PIAS1: variants seen among roughly 807,000 people sequenced by gnomAD.
PIAS1 encodes the protein protein inhibitor of activated STAT 1, also known as E3 SUMO-protein ligase PIAS1.
A neutral mutation model predicts 71.3 loss-of-function variants in PIAS1; 6 were observed. The observed-to-expected ratio is 0.08, with a 90% CI of 0.05 to 0.17. The LOEUF is 0.17. Among genes scored for constraint, PIAS1 ranks in the 10% least tolerant of loss-of-function variants. The pLI is 1.00. For missense variants in PIAS1, 555 were observed against 793.6 expected, an observed-to-expected ratio of 0.70 and a Z score of 3.61; for synonymous variants, 303 against 292.9, an observed-to-expected ratio of 1.03 and a Z score of -0.35.
Position 68,186,859 on chromosome 15 carries a change from G to A in PIAS1, c.1663-683G>A, listed in dbSNP as rs771645289. On this transcript the variant is annotated intron_variant, in intron 13 of 13. Transcript: ENST00000249636. This position sits in a 1 kb window ranked among gnomAD's most constrained non-coding sequence, Gnocchi z 4.4. ...AGGCCAGACCACACAGCCTAGGTGT[G>A]TAGCAGGCTCTACTGTCTAGGTTTG... Among the ~76,000 whole-genome samples, 25 of 152,260 alleles carry A rather than the reference G, an allele frequency of 1.6e-4. No individual in the cohort carries two copies. Among genetic ancestry groups the A allele is most frequent in the Non-Finnish European group, 2.6e-4 (18 of 68,048 alleles).
chr15:68,124,133 T>G (rs2092633297), intron 2 of PIAS1, among the ~76,000 whole-genome samples: 1 of 152,198 alleles, frequency 6.6e-6, no homozygotes, highest in Non-Finnish European at 1.5e-5. Context: ...TAATCTTTAT[T>G]GATAATGATG....
chr15:68,089,466 T>C (rs755295760), intron 2 of PIAS1, among the ~76,000 whole-genome samples: 2 of 152,252 alleles, frequency 1.3e-5, no homozygotes, highest in East Asian at 3.8e-4. Flanking sequence ...TTTTCATTTA[T>C]CTTTCTAGGC....
At chr15:68,093,159 T>C (rs2092346398) in intron 2 of PIAS1, among the ~76,000 whole-genome samples, 5 of 152,252 alleles carry the variant, frequency 3.3e-5, no homozygotes, top group South Asian at 4.1e-4. Flanking sequence ...GTTGGCTTCA[T>C]TGGCATTTTT....
At chr15:68,071,399 T>C (rs1374027072) in intron 1 of PIAS1, among the ~76,000 whole-genome samples, 1 of 150,824 alleles carries the variant, frequency 6.6e-6, no homozygotes, top group Non-Finnish European at 1.5e-5. Flanking sequence ...GTATTTTTAG[T>C]AGAGACGGGG....
At chr15:68,125,286 C>G (rs1385150588) in intron 2 of PIAS1, among the ~76,000 whole-genome samples, 1 of 151,998 alleles carries the variant, frequency 6.6e-6, no homozygotes, top group Non-Finnish European at 1.5e-5. Context: ...ATTTCATGTT[C>G]TATGAGAATT....
chr15:68,180,424 CCTT>C (rs951288735), intron 11 of PIAS1, among the ~76,000 whole-genome samples: 24 of 151,292 alleles, frequency 1.6e-4, no homozygotes, highest in African/African-American at 3.9e-4. Flanking sequence ...ATTATTTTTT[CCTT>C]CTTCTCCTTT....
Position 68,193,787 on chromosome 15 carries a change from C to T in PIAS1, c.*5952C>T, listed in dbSNP as rs2093130850. The T allele has an allele frequency of 4.3e-6, 2 of 460,084 alleles. No individual in the cohort carries two copies. The highest frequency in any genetic ancestry group is 3.6e-5 in the East Asian group (1 of 27,904). 28.5% of individuals were successfully genotyped at this position (460,084 alleles called of 1,614,324 possible). On this transcript the variant is annotated 3_prime_UTR_variant, in exon 14 of 14. Coordinates refer to ENST00000249636, the MANE Select transcript of PIAS1 (RefSeq NM_016166.3). ...CAGGCTCCTTCCATGCTTGAAAGGG[C>T]CGGACTCACGGTAGTTAATAAAATC... is the stretch of plus-strand genomic sequence containing the variant.
Position 68,082,935 on chromosome 15 carries a change from T to C in PIAS1, c.25-3371T>C, listed in dbSNP as rs2092242038. On this transcript the variant is annotated intron_variant, in intron 1 of 13. Transcript: ENST00000249636. ...AATTGTGTTCACGTCTGTCAGATTA[T>C]GAAAATTAGTTTTAAGAGGTTGCTC... Among the ~76,000 whole-genome samples, 4 of 152,148 alleles carry C rather than the reference T, an allele frequency of 2.6e-5. No homozygotes were observed. In the South Asian group the frequency reaches 8.3e-4, roughly 31 times the overall value.
intron 2 of PIAS1, among the ~76,000 whole-genome samples, chr15:68,108,081 T>C (rs1385564350): frequency 6.6e-6 from 1 of 152,222 alleles, no homozygotes; most frequent in African/African-American, 2.4e-5. Flanking sequence ...CAGAGCTCAA[T>C]GAACATCACC....
At position 68,104,196 on chromosome 15, in the gene PIAS1, T is replaced by C. The variant is rs563134854; in HGVS notation, c.469+17446T>C. Reference sequence around the variant, plus strand: ...TCTTACAAATAGCACGTACCTGGCTTTTTAAAAACTCAGTCTTAAAATTTA... The same window carrying C: ...TCTTACAAATAGCACGTACCTGGCTCTTTAAAAACTCAGTCTTAAAATTTA... On this transcript the variant is annotated intron_variant, in intron 2 of 13. Transcript: ENST00000249636. Among the ~76,000 whole-genome samples, 52 of 152,326 alleles carry C rather than the reference T, an allele frequency of 3.4e-4. No homozygotes were observed. In the South Asian group the frequency reaches 0.01, roughly 30 times the overall value.
At chr15:68,079,759 G>A (rs1567031857) in intron 1 of PIAS1, among the ~76,000 whole-genome samples, 2 of 150,968 alleles carry the variant, frequency 1.3e-5, no homozygotes, top group African/African-American at 2.4e-5. Flanking sequence ...GATTACAGGT[G>A]TGAGCCACCA....
rs75093019 is a variant in PIAS1 at position 68,111,397 on chromosome 15, G to A, written c.469+24647G>A. Among the ~76,000 whole-genome samples the A allele has an allele frequency of 7.8e-3, 1,193 of 152,228 alleles. 10 individuals are homozygous for A. Among genetic ancestry groups the A allele is most frequent in the African/African-American group, 0.028 (1,144 of 41,522 alleles). ...AAGAGAGTATCTCTATATATTGCAG[G>A]GGTGTAGTAATTTAAGCTGTGGAAC... On this transcript the variant is annotated intron_variant, in intron 2 of 13. Coordinates refer to ENST00000249636, the MANE Select transcript of PIAS1 (RefSeq NM_016166.3).
intron 6 of PIAS1, among the ~76,000 whole-genome samples, chr15:68,150,215 A>C (rs947975729): frequency 2.0e-5 from 3 of 152,112 alleles, no homozygotes; most frequent in African/African-American, 2.4e-5. Flanking sequence ...GTATGAAAAG[A>C]ATAGCTCACC....
chr15:68,116,608 C>G (rs1257942865), intron 2 of PIAS1, among the ~76,000 whole-genome samples: 1 of 151,754 alleles, frequency 6.6e-6, no homozygotes, highest in Non-Finnish European at 1.5e-5. Context: ...TATTTTCTTT[C>G]TCCTGATTCC....
chr15:68,130,073 C>T (rs1047270258), intron 2 of PIAS1, among the ~76,000 whole-genome samples: 1 of 151,574 alleles, frequency 6.6e-6, no homozygotes, highest in African/African-American at 2.4e-5. Flanking sequence ...TTTCACCATA[C>T]GAAACTAGAA....
At chr15:68,057,441 A>G (rs1315730964) in intron 1 of PIAS1, 1 of 416,026 alleles carries the variant, frequency 2.4e-6, no homozygotes, top group Non-Finnish European at 4.7e-6. Flanking sequence ...TTTTTGGAGT[A>G]AAACTCAAAC....
intron 2 of PIAS1, among the ~76,000 whole-genome samples, chr15:68,114,355 T>A (rs549946431): frequency 6.6e-6 from 1 of 152,212 alleles, no homozygotes; most frequent in East Asian, 1.9e-4. Context: ...CAATATGAAT[T>A]TGTTAATGAT....
At chr15:68,088,121 T>C (rs2092299291) in intron 2 of PIAS1, among the ~76,000 whole-genome samples, 1 of 145,054 alleles carries the variant, frequency 6.9e-6, no homozygotes, top group Non-Finnish European at 1.5e-5. Context: ...CTTCCCTTTT[T>C]TCCCCTTAAT....
chr15:68,079,606 G>A (rs552542848), intron 1 of PIAS1, among the ~76,000 whole-genome samples: 102 of 151,646 alleles, frequency 6.7e-4, no homozygotes, highest in African/African-American at 2.4e-3. Context: ...TCCTGGGTCT[G>A]TAGGTGTGTG....
Sources: gnomAD v4.1 joint callset for allele counts (sites outside exome capture counted in the v4.1 genomes callset) on GRCh38, gnomAD v4.1.1 for gene constraint, Gnocchi (gnomAD v3.1) non-coding constraint, MANE v1.5 for transcripts, NCBI Gene and HGNC (gene_info 2026-07-23, HGNC 2026-07-21) for gene names.